The following KATNIP variants were observed in gnomAD, a reference collection of about 807,000 sequenced individuals.
KATNIP encodes the protein katanin-interacting protein.
In KATNIP, 126 loss-of-function variants were observed where a neutral mutation model predicts 174.0. The observed-to-expected ratio is 0.72, with a 90% CI of 0.63 to 0.84. The LOEUF (loss-of-function observed/expected upper bound fraction) is 0.84. Ranked by LOEUF, KATNIP falls within the 40% of genes least tolerant of loss-of-function variation. The pLI is 0.00. For missense variants in KATNIP, 1,958 were observed against 2,109.7 expected (o/e 0.93, Z 1.41); for synonymous variants, 810 against 835.7 (o/e 0.97, Z 0.53).
chr16:27,584,924 T>C (rs1567461904), intron 2 of KATNIP, among the ~76,000 whole-genome samples: 1 of 152,166 alleles, frequency 6.6e-6, no homozygotes, highest in Non-Finnish European at 1.5e-5. Context: ...CTGCCCTGGG[T>C]AACACAGCAA....
chr16:27,705,429 A>G (rs911117901), intron 12 of KATNIP, among the ~76,000 whole-genome samples: 1 of 152,130 alleles, frequency 6.6e-6, no homozygotes, highest in African/African-American at 2.4e-5. Flanking sequence ...CCAGCTTTGA[A>G]TCTGGCACCA....
intron 1 of KATNIP, among the ~76,000 whole-genome samples, chr16:27,571,981 C>T (rs906056565): frequency 2.6e-5 from 4 of 152,036 alleles, no homozygotes; most frequent in African/African-American, 9.7e-5. Flanking sequence ...ATCCCTAAAT[C>T]CTGGGGGTGT....
chr16:27,772,640 G>T (rs745744076), intron 22 of KATNIP, among the ~76,000 whole-genome samples: 1 of 152,216 alleles, frequency 6.6e-6, no homozygotes, highest in Non-Finnish European at 1.5e-5. Context: ...TACTTGAAAG[G>T]GATGGAGGAG....
chr16:27,633,828 G>A (rs963069286), intron 5 of KATNIP, among the ~76,000 whole-genome samples: 2 of 152,212 alleles, frequency 1.3e-5, no homozygotes, highest in African/African-American at 4.8e-5. Context: ...GGCAGGCTGG[G>A]ATTTGAACTC....
At chr16:27,726,762 A>T (rs974521784) in intron 14 of KATNIP, among the ~76,000 whole-genome samples, 2 of 152,228 alleles carry the variant, frequency 1.3e-5, no homozygotes, top group Non-Finnish European at 2.9e-5. Flanking sequence ...GACCAGGAGC[A>T]GCCATGGGGC....
At chr16:27,755,312 C>T (rs1482323532) in intron 18 of KATNIP, 3 of 152,306 alleles carry the variant, frequency 2.0e-5, no homozygotes, top group Non-Finnish European at 4.4e-5. Flanking sequence ...CACCTTCCAC[C>T]TAGGATGCCT....
intron 2 of KATNIP, among the ~76,000 whole-genome samples, chr16:27,582,437 T>G (rs1305377989): frequency 6.6e-6 from 1 of 152,222 alleles, no homozygotes. Flanking sequence ...TAGATTCAAC[T>G]GCCAAATGTA....
At chr16:27,730,516 G>A (rs144629973) in intron 14 of KATNIP, among the ~76,000 whole-genome samples, 6 of 151,994 alleles carry the variant, frequency 3.9e-5, no homozygotes, top group East Asian at 1.9e-4. Flanking sequence ...TGGCTCTTTC[G>A]TGCTTATACA....
At chr16:27,775,203 C>G (rs1221452230) in intron 24 of KATNIP, 119 bp downstream of exon 24, 2 of 1,253,012 alleles carry the variant, frequency 1.6e-6, no homozygotes, top group African/African-American at 3.0e-5. Context: ...AGCCAAGATG[C>G]TTGGGAGCTG....
intron 1 of KATNIP, among the ~76,000 whole-genome samples, chr16:27,571,024 G>A (rs1288189187): frequency 1.3e-5 from 2 of 152,004 alleles, no homozygotes; most frequent in African/African-American, 4.8e-5. Context: ...TAATATTTTG[G>A]TTTTTGTTTG....
chr16:27,560,604 C>G (rs985265387), intron 1 of KATNIP, among the ~76,000 whole-genome samples: 2 of 152,218 alleles, frequency 1.3e-5, no homozygotes, highest in Non-Finnish European at 2.9e-5. Context: ...ACCTCGCTGC[C>G]TTGCCTGTGC....
At chr16:27,606,608 G>A (rs1282075696) in intron 2 of KATNIP, among the ~76,000 whole-genome samples, 1 of 151,816 alleles carries the variant, frequency 6.6e-6, no homozygotes, top group East Asian at 1.9e-4. Flanking sequence ...CTGGCTTCGG[G>A]CATGGCTGGA....
chr16:27,696,337 T>C (rs1319130060), intron 8 of KATNIP, among the ~76,000 whole-genome samples: 1 of 152,248 alleles, frequency 6.6e-6, no homozygotes, highest in Non-Finnish European at 1.5e-5. Flanking sequence ...TTTTATTTTT[T>C]ATTTTTATTT....
chr16:27,723,444 C>T (rs927709215), intron 14 of KATNIP, among the ~76,000 whole-genome samples: 28 of 151,824 alleles, frequency 1.8e-4, no homozygotes, highest in African/African-American at 5.8e-4. Context: ...GAAACACAGA[C>T]GTCACTTTCT....
At chr16:27,651,725 T>C (rs569797375) in intron 6 of KATNIP, among the ~76,000 whole-genome samples, 1 of 152,330 alleles carries the variant, frequency 6.6e-6, no homozygotes, top group South Asian at 2.1e-4. Context: ...TTTTTATTTA[T>C]TTATTTATTT....
chr16:27,614,422 A>G (rs1466873730), intron 2 of KATNIP, among the ~76,000 whole-genome samples: 1 of 151,960 alleles, frequency 6.6e-6, no homozygotes, highest in African/African-American at 2.4e-5. Flanking sequence ...CAGCCTCCCA[A>G]AGTGCTGGGA....
chr16:27,608,420 G>C (rs963228482), intron 2 of KATNIP, among the ~76,000 whole-genome samples: 1 of 45,028 alleles, frequency 2.2e-5, no homozygotes, highest in South Asian at 7.4e-4. Flanking sequence ...TTTTTTTTTT[G>C]TATTTTTGTA....
At chr16:27,738,593 C>A (rs926052205) in intron 14 of KATNIP, among the ~76,000 whole-genome samples, 1 of 152,092 alleles carries the variant, frequency 6.6e-6, no homozygotes, top group Admixed American at 6.6e-5. Flanking sequence ...GAGAGGAGAG[C>A]GAGGTGGGGA....
Position 27,740,791 on chromosome 16 carries a change from A to G in KATNIP, c.2494A>G (p.Lys832Glu). The change falls in exon 15 of 28, where the codon AAA becomes GAA. Residue 832 changes from lysine to glutamate, a missense_variant. Physicochemically the swap from Lys to Glu is moderately conservative, Grantham distance 56. This residue lies in a region of KATNIP where 1,557 missense variants were observed against 1,617.8 expected (regional missense o/e 0.96). Transcript: ENST00000261588. ...TKERPQRATT[K>E]VHSDDSDIFN... is the part of the protein sequence containing the mutation. ...GGAGAGACCCCAGAGGGCAACCACC[A>G]AAGTCCACAGTGATGACTCAGACAT... The G allele has an allele frequency of 3.7e-6, 6 of 1,614,188 alleles. 1 individual carries two copies. Among genetic ancestry groups the G allele is most frequent in the South Asian group, 2.2e-5 (2 of 91,082 alleles).
Sources: gnomAD v4.1 joint callset for allele counts (sites outside exome capture counted in the v4.1 genomes callset) on GRCh38, gnomAD v4.1.1 for gene constraint, gnomAD v4.1.1 regional missense constraint, MANE v1.5 for transcripts, NCBI Gene and HGNC (gene_info 2026-07-23, HGNC 2026-07-21) for gene names.